GFRAL: variants seen among roughly 807,000 people sequenced by gnomAD.
GFRAL encodes GDNF family receptor alpha-like.
Under a neutral mutation model 45.4 loss-of-function variants are expected in GFRAL, and 36 were observed. The ratio of observed to expected loss-of-function variants is 0.79; its 90% CI spans 0.61 to 1.05. The LOEUF is 1.05. GFRAL is among the 50% of genes least tolerant of loss of function. GFRAL has a pLI of 0.00. For synonymous variants in GFRAL, 166 were observed against 154.1 expected, an observed-to-expected ratio of 1.08 and a Z score of -0.57; for missense variants, 507 against 467.5, an observed-to-expected ratio of 1.08 and a Z score of -0.78.
At chr6:55,332,061 G>A (rs1767837735) in intron 2 of GFRAL, among the ~76,000 whole-genome samples, 1 of 152,048 alleles carries the variant, frequency 6.6e-6, no homozygotes, top group Non-Finnish European at 1.5e-5. Context: ...ACTGAGGGCA[G>A]CATTATTCAA....
chr6:55,350,035 C>CTGAA lies in GFRAL; in HGVS notation c.317-57_317-56insTGAA. The CTGAA allele has an allele frequency of 1.9e-6, 2 of 1,046,356 alleles. 1 individual carries two copies. The highest frequency in any genetic ancestry group is 2.6e-5 in the South Asian group (2 of 78,236). 64.8% of individuals were successfully genotyped at this position (1,046,356 alleles called of 1,614,324 possible). A position where few individuals can be genotyped will look rare whatever the true frequency, so the allele number is the denominator to read the frequency against. ...CATTTATAAATGTGGCCCACGTTTTCCTAGGAAATTCAGAAAATTGTTCAA... is the reference window on the plus strand; with the variant it reads ...CATTTATAAATGTGGCCCACGTTTTCTGAACTAGGAAATTCAGAAAATTGTTCAA... On this transcript the variant is annotated intron_variant, in intron 3 of 8. Coordinates refer to ENST00000340465, the MANE Select transcript of GFRAL (RefSeq NM_207410.2).
Position 55,344,011 on chromosome 6 carries a change from C to A in GFRAL, c.317-6081C>A, listed in dbSNP as rs140146046. 8.0e-4 allele frequency among the ~76,000 whole-genome samples: 122 copies of A among 152,168 alleles called. 2 individuals carry two copies. In the East Asian group the frequency reaches 0.022, roughly 27 times the overall value. ...GAAAAAGTTGAATCCCTGCATAGAC[C>A]AATAACAAGCTCTGAAATTAAGGCA... On this transcript the variant is annotated intron_variant, in intron 3 of 8. Coordinates refer to ENST00000340465, the MANE Select transcript of GFRAL (RefSeq NM_207410.2).
chr6:55,384,718 T>C (rs957702979), intron 6 of GFRAL, among the ~76,000 whole-genome samples: 1 of 152,060 alleles, frequency 6.6e-6, no homozygotes, highest in African/African-American at 2.4e-5. Context: ...CTGAACATAT[T>C]TGAGTAAGTC....
chr6:55,339,284 A>C (rs994055233), intron 3 of GFRAL, among the ~76,000 whole-genome samples: 4 of 152,232 alleles, frequency 2.6e-5, no homozygotes, highest in East Asian at 3.9e-4. Context: ...TTCTGAAAAC[A>C]TTTCATCTGA....
In GFRAL at chr6:55,331,842, T is replaced by G. The variant is rs1224836554; in HGVS notation, c.150T>G (p.Asn50Lys). The G allele has an allele frequency of 1.9e-6, 3 of 1,608,566 alleles. No homozygotes were observed. The highest frequency in any genetic ancestry group is 4.5e-5 in the East Asian group (2 of 44,494). ...GGAGAGTAATGGAAGATGCCTGCAA[T>G]GATTCAGGTAAACAAGTTGCTAAAA... ...HAWRVMEDACNDSDPGDPCKM... is the reference protein window; with the variant it reads ...HAWRVMEDACKDSDPGDPCKM... The change falls in exon 2 of 9, where the codon AAT becomes AAG. Residue 50 changes from asparagine to lysine, a missense_variant. Transcript: ENST00000340465.
intron 3 of GFRAL, among the ~76,000 whole-genome samples, chr6:55,348,700 G>A (rs991487144): frequency 1.3e-5 from 2 of 151,820 alleles, no homozygotes; most frequent in Admixed American, 1.3e-4. Context: ...ATTCGATCAG[G>A]GCCCCACTCT....
intron 6 of GFRAL, among the ~76,000 whole-genome samples, chr6:55,362,723 C>A (rs1006280008): frequency 1.3e-5 from 2 of 152,100 alleles, no homozygotes; most frequent in African/African-American, 4.8e-5. Context: ...CAGAAATGTT[C>A]TTTTTGCATT....
At chr6:55,364,924 TC>T (rs1768338237) in intron 6 of GFRAL, among the ~76,000 whole-genome samples, 1 of 152,134 alleles carries the variant, frequency 6.6e-6, no homozygotes, top group Admixed American at 6.5e-5. Flanking sequence ...TGATGCGGGC[TC>T]TTTTTTGGTT....
intron 6 of GFRAL, among the ~76,000 whole-genome samples, chr6:55,359,417 T>C (rs1183346980): frequency 1.3e-5 from 2 of 152,050 alleles, no homozygotes; most frequent in Non-Finnish European, 2.9e-5. Flanking sequence ...GTTTATTCTA[T>C]CAGATAAATG....
chr6:55,377,429 A>C (rs576762470), intron 6 of GFRAL, among the ~76,000 whole-genome samples: 7 of 152,080 alleles, frequency 4.6e-5, no homozygotes, highest in Non-Finnish European at 1.0e-4. Flanking sequence ...AGAGGAATTT[A>C]GGTGTTATAC....
intron 6 of GFRAL, among the ~76,000 whole-genome samples, chr6:55,383,997 C>T (rs1278146758): frequency 6.6e-6 from 1 of 152,026 alleles, no homozygotes; most frequent in Admixed American, 6.6e-5. Flanking sequence ...CTTTGAGATA[C>T]CATCCCGATG....
At chr6:55,335,670 C>T (rs1183566558) in intron 3 of GFRAL, among the ~76,000 whole-genome samples, 1 of 152,060 alleles carries the variant, frequency 6.6e-6, no homozygotes, top group Non-Finnish European at 1.5e-5. Context: ...AATTGTTCCA[C>T]CCACATTTGT....
chr6:55,341,798 C>T (rs1767969598), intron 3 of GFRAL, among the ~76,000 whole-genome samples: 1 of 152,020 alleles, frequency 6.6e-6, no homozygotes, highest in Non-Finnish European at 1.5e-5. Flanking sequence ...AATTGGTTAA[C>T]TAGAATAAAC....
chr6:55,350,465 A>G (rs558661028), intron 4 of GFRAL, among the ~76,000 whole-genome samples: 1 of 152,226 alleles, frequency 6.6e-6, no homozygotes, highest in Admixed American at 6.5e-5. Flanking sequence ...ATTTGATCCC[A>G]GGAGTTTGAG....
rs778290865 is a variant in GFRAL, at chr6:55,359,019, C to CTTA, written c.834_836dup (p.Tyr279dup). On this transcript the variant is annotated inframe_insertion, in exon 6 of 9. Coordinates refer to ENST00000340465, the MANE Select transcript of GFRAL (RefSeq NM_207410.2). ...TCAGGAAGTGATGACTGCAAAGCTG[C>CTTA]TTACATAGATATCCTTGGGACGGTC... is the stretch of plus-strand genomic sequence containing the variant. 7 of 1,613,090 alleles carry CTTA rather than the reference C, an allele frequency of 4.3e-6. No individual in the cohort carries two copies. The Admixed American group carries it at 1.2e-4, about 27-fold the overall frequency.
intron 6 of GFRAL, among the ~76,000 whole-genome samples, chr6:55,381,039 T>C (rs1768601397): frequency 6.6e-6 from 1 of 151,998 alleles, no homozygotes; most frequent in African/African-American, 2.4e-5. Context: ...TTTTTATAGA[T>C]CTGCTCTCAA....
chr6:55,372,618 CA>C (rs1768465968), intron 6 of GFRAL, among the ~76,000 whole-genome samples: 1 of 152,110 alleles, frequency 6.6e-6, no homozygotes, highest in Non-Finnish European at 1.5e-5. Flanking sequence ...GTTTGCCTCA[CA>C]GTCATAAAGG....
chr6:55,370,108 G>T (rs1025894068), intron 6 of GFRAL, among the ~76,000 whole-genome samples: 4 of 151,442 alleles, frequency 2.6e-5, no homozygotes, highest in Non-Finnish European at 4.4e-5. Flanking sequence ...CTTTTTGAAA[G>T]GATAATTTTC....
Position 55,351,238 on chromosome 6 carries a change from T to C in GFRAL, c.371-15T>C, listed in dbSNP as rs185849431. ...TGTTTACTTTTCCACGACCTGGGCA[T>C]ATCATTGCTTTCAGGATTCAAAGGG... On this transcript the variant is annotated splice_polypyrimidine_tract_variant and intron_variant, in intron 4 of 8. Coordinates refer to ENST00000340465, the MANE Select transcript of GFRAL (RefSeq NM_207410.2). The C allele has an allele frequency of 1.7e-5, 26 of 1,553,692 alleles. No individual in the cohort carries two copies. The highest frequency in any genetic ancestry group is 3.5e-4 in the Middle Eastern group (2 of 5,772).
Sources: allele counts gnomAD v4.1 joint callset (sites outside exome capture counted in the v4.1 genomes callset), GRCh38; gene constraint gnomAD v4.1.1; transcripts MANE v1.5; gene names NCBI Gene and HGNC (gene_info 2026-07-23, HGNC 2026-07-21).